Variants in PPP6R3 observed in about 807,000 individuals in gnomAD.
PPP6R3 encodes protein phosphatase 6 regulatory subunit 3.
PPP6R3 carries 38 observed loss-of-function variants against 110.7 expected under a neutral mutation model. The observed-to-expected ratio is 0.34, with a 90% CI of 0.26 to 0.45. The LOEUF (loss-of-function observed/expected upper bound fraction) is 0.45, where lower values mean the gene tolerates loss of function less well. Among genes scored for constraint, PPP6R3 ranks in the 20% least tolerant of loss-of-function variants. PPP6R3 has a pLI of 1.00. For synonymous variants in PPP6R3, 369 were observed against 373.5 expected (o/e 0.99, Z 0.14); for missense variants, 870 against 1,062.4 (o/e 0.82, Z 2.52).
At chr11:68,478,647 G>GTTTTTTTTTTTTT (rs769296530) in intron 1 of PPP6R3, among the ~76,000 whole-genome samples, 1,278 of 50,506 alleles carry the variant, frequency 0.025, 485 homozygotes, top group African/African-American at 0.03. Flanking sequence ...CACTTGGTAA[G>GTTTTTTTTTTTTT]TTTTTTTTTT....
chr11:68,552,065 GGT>G (rs1391646003), intron 6 of PPP6R3, among the ~76,000 whole-genome samples: 1 of 152,150 alleles, frequency 6.6e-6, no homozygotes, highest in Non-Finnish European at 1.5e-5. Flanking sequence ...GGGACCAGTG[GGT>G]GTGTGTGTCT....
At chr11:68,475,795 C>T (rs1437528031) in intron 1 of PPP6R3, among the ~76,000 whole-genome samples, 8 of 130,094 alleles carry the variant, frequency 6.1e-5, no homozygotes, top group Non-Finnish European at 1.0e-4. Context: ...GGGTGGCTGC[C>T]GGGAGGAGGG....
chr11:68,511,971 T>C (rs1450868760), intron 1 of PPP6R3, among the ~76,000 whole-genome samples: 1 of 152,172 alleles, frequency 6.6e-6, no homozygotes, highest in African/African-American at 2.4e-5. Flanking sequence ...CCCCATTGGA[T>C]CTCCTATTCC....
rs1430768615 is a variant in PPP6R3 at position 68,558,998 on chromosome 11, G to T, written c.845+319G>T. 2.0e-5 allele frequency among the ~76,000 whole-genome samples: 3 copies of T among 152,208 alleles called. No homozygotes were observed. The East Asian group carries it at 5.8e-4, about 29-fold the overall frequency. On this transcript the variant is annotated intron_variant, in intron 8 of 23. Transcript: ENST00000393800. ...TGTATAATGGCTGAAAAACAGAGAA[G>T]CTTATTTCTTGCTCATGATAATTAA...
At position 68,612,925 on chromosome 11, in the gene PPP6R3, C is replaced by T. The variant is rs1944297636; in HGVS notation, c.2571-141C>T. The stretch of plus-strand genomic sequence containing the variant: ...CTAGAGCTTTTGCTCCATTCATTTA[C>T]ATATCATTTTATTAAAAACTTACTA... On this transcript the variant is annotated intron_variant, in intron 23 of 23. Transcript: ENST00000393800. 5 of 1,448,428 alleles carry T rather than the reference C, an allele frequency of 3.5e-6. No homozygotes were observed. In the Admixed American group the frequency reaches 9.0e-5, roughly 26 times the overall value. 89.7% of individuals were successfully genotyped at this position (1,448,428 alleles called of 1,614,324 possible).
chr11:68,563,297 G>A (rs898582941), intron 8 of PPP6R3, among the ~76,000 whole-genome samples: 3 of 152,228 alleles, frequency 2.0e-5, no homozygotes, highest in African/African-American at 7.2e-5. Context: ...AGATACTAAG[G>A]CATTCCTCTT....
At chr11:68,598,962 T>C (rs527776037) in intron 19 of PPP6R3, among the ~76,000 whole-genome samples, 21 of 152,340 alleles carry the variant, frequency 1.4e-4, no homozygotes, top group Admixed American at 9.1e-4. Flanking sequence ...ATTAAATGCC[T>C]ACTCTGTGCA....
chr11:68,597,687 A>G (rs1035404353), intron 19 of PPP6R3, among the ~76,000 whole-genome samples: 3 of 151,840 alleles, frequency 2.0e-5, no homozygotes, highest in Non-Finnish European at 4.4e-5. Flanking sequence ...TTTTTAATGT[A>G]CAGTTCAAGG....
chr11:68,483,259 A>G (rs2098926942), intron 1 of PPP6R3, among the ~76,000 whole-genome samples: 1 of 152,244 alleles, frequency 6.6e-6, no homozygotes. Context: ...TCTATAAATG[A>G]CCAATTATTT....
chr11:68,518,700 T>C (rs2099149102), intron 1 of PPP6R3, among the ~76,000 whole-genome samples: 1 of 152,254 alleles, frequency 6.6e-6, no homozygotes, highest in Admixed American at 6.5e-5. Context: ...TTTTTGTTGA[T>C]TGATTTTAAC....
intron 1 of PPP6R3, among the ~76,000 whole-genome samples, chr11:68,467,648 G>C (rs1023704836): frequency 6.6e-6 from 1 of 152,202 alleles, no homozygotes; most frequent in African/African-American, 2.4e-5. Context: ...TGGTCAGATT[G>C]GTTGGGCTTT....
intron 14 of PPP6R3, 25 bp downstream of exon 14, chr11:68,576,068 T>C: frequency 1.3e-6 from 2 of 1,522,478 alleles, no homozygotes; most frequent in Non-Finnish European, 1.8e-6. Flanking sequence ...GTTACATTTT[T>C]ATTCTTTCAG....
intron 1 of PPP6R3, among the ~76,000 whole-genome samples, chr11:68,518,241 TA>T (rs1328857436): frequency 6.6e-6 from 1 of 152,226 alleles, no homozygotes; most frequent in Non-Finnish European, 1.5e-5. Context: ...ATCTGGCAAA[TA>T]TAATTTTAAC....
intron 1 of PPP6R3, among the ~76,000 whole-genome samples, chr11:68,497,547 G>A (rs1023700704): frequency 6.6e-6 from 1 of 150,438 alleles, no homozygotes. Flanking sequence ...TAGAAACGGG[G>A]ATTTACCACG....
At chr11:68,590,391 T>TA (rs2099591591) in intron 16 of PPP6R3, among the ~76,000 whole-genome samples, 2 of 152,192 alleles carry the variant, frequency 1.3e-5, no homozygotes, top group Admixed American at 1.3e-4. Context: ...CCATAGATGT[T>TA]AAAAATCTTT....
chr11:68,504,741 A>G lies in PPP6R3; in HGVS notation c.-157-14760A>G, dbSNP rs536180969. Among the ~76,000 whole-genome samples the G allele has an allele frequency of 2.0e-4, 31 of 152,316 alleles. No individual in the cohort carries two copies. In the South Asian group the frequency reaches 3.9e-3, roughly 19 times the overall value. ...CTTGGTCAAGTTTTTGTTGGGGGAA[A>G]GAACAGTCCAAACCTTTGTGAGCTG... On this transcript the variant is annotated intron_variant, in intron 1 of 23. Transcript: ENST00000393800.
intron 1 of PPP6R3, among the ~76,000 whole-genome samples, chr11:68,489,841 A>AT (rs1222717814): frequency 6.6e-6 from 1 of 152,088 alleles, no homozygotes; most frequent in East Asian, 1.9e-4. Flanking sequence ...TCTGGAACTG[A>AT]ACCTGTAATA....
intron 1 of PPP6R3, among the ~76,000 whole-genome samples, chr11:68,466,697 C>G (rs2098749335): frequency 6.6e-6 from 1 of 152,188 alleles, no homozygotes; most frequent in African/African-American, 2.4e-5. Flanking sequence ...ACTGCAAGCT[C>G]CGCCTCCCAG....
intron 1 of PPP6R3, among the ~76,000 whole-genome samples, chr11:68,502,942 A>G (rs2099055683): frequency 6.6e-6 from 1 of 151,340 alleles, no homozygotes; most frequent in Non-Finnish European, 1.5e-5. Context: ...ATGGAGAGGA[A>G]TTTTTGTTTG....
Sources: gnomAD v4.1 joint callset for allele counts (sites outside exome capture counted in the v4.1 genomes callset) on GRCh38, gnomAD v4.1.1 for gene constraint, MANE v1.5 for transcripts, NCBI Gene and HGNC (gene_info 2026-07-23, HGNC 2026-07-21) for gene names.